The following COL21A1 variants were observed in gnomAD, a reference collection of about 807,000 sequenced individuals.
The protein encoded by COL21A1 is collagen alpha-1(XXI) chain.
Under a neutral mutation model 137.9 loss-of-function variants are expected in COL21A1, and 149 were observed. The ratio of observed to expected loss-of-function variants is 1.08; its 90% CI spans 0.95 to 1.24. COL21A1 has a LOEUF of 1.24. COL21A1 is among the 50% of genes most tolerant of loss of function. The pLI is 0.00. For synonymous variants in COL21A1, 456 were observed against 391.5 expected, an observed-to-expected ratio of 1.16 and a Z score of -1.95; for missense variants, 1,167 against 1,158.4, an observed-to-expected ratio of 1.01 and a Z score of -0.11.
intron 1 of COL21A1, among the ~76,000 whole-genome samples, chr6:56,225,701 T>G (rs552897928): frequency 6.6e-6 from 1 of 152,152 alleles, no homozygotes; most frequent in African/African-American, 2.4e-5. Context: ...GGCCTTTAAT[T>G]TTTTTAGTCT....
At chr6:56,068,888 G>C in intron 22 of COL21A1, 158 bp downstream of exon 22, 1 of 568,934 alleles carries the variant, frequency 1.8e-6, no homozygotes. Flanking sequence ...ACAGCTATTA[G>C]CATGGGGCTG....
intron 3 of COL21A1, among the ~76,000 whole-genome samples, chr6:56,178,896 T>A (rs12190240): frequency 6.6e-6 from 1 of 152,088 alleles, no homozygotes; most frequent in African/African-American, 2.4e-5. Context: ...ATGTCAGTAA[T>A]TTGAAGCTTT....
Position 56,157,307 on chromosome 6 carries a change from C to CT in COL21A1, c.1372-359dup, listed in dbSNP as rs34605782. Reference sequence around the variant, plus strand: ...TGATAGCAATATTTGACTCATAAGACTTTTTTTTTTTTTTTTTTTTTGAGA... The same window carrying CT: ...TGATAGCAATATTTGACTCATAAGACTTTTTTTTTTTTTTTTTTTTTTGAGA... On this transcript the variant is annotated intron_variant, in intron 9 of 29. Coordinates refer to ENST00000244728, the MANE Select transcript of COL21A1 (RefSeq NM_030820.4). 2.6e-3 allele frequency among the ~76,000 whole-genome samples: 248 copies of CT among 94,012 alleles called. 1 individual carries two copies. The highest frequency in any genetic ancestry group is 3.9e-3 in the Non-Finnish European group (190 of 49,040). The allele number at this position is 94,012 out of a possible 152,430, so 61.7% of individuals were successfully genotyped here. A position where few individuals can be genotyped will look rare whatever the true frequency, so the allele number is the denominator to read the frequency against.
intron 1 of COL21A1, among the ~76,000 whole-genome samples, chr6:56,392,113 C>A (rs1369156520): frequency 6.6e-6 from 1 of 152,012 alleles, no homozygotes; most frequent in Non-Finnish European, 1.5e-5. Context: ...TACTAGCAAA[C>A]AAAATTCAAC....
intron 16 of COL21A1, among the ~76,000 whole-genome samples, chr6:56,108,335 C>T (rs1192681000): frequency 1.3e-5 from 2 of 151,866 alleles, no homozygotes; most frequent in Non-Finnish European, 2.9e-5. Context: ...GAAGCAAAGA[C>T]CAACTCTACA....
At chr6:56,095,675 C>G (rs1278842701) in intron 17 of COL21A1, among the ~76,000 whole-genome samples, 1 of 152,120 alleles carries the variant, frequency 6.6e-6, no homozygotes, top group Non-Finnish European at 1.5e-5. Context: ...TCTTCTGCCT[C>G]TATATTTTGG....
intron 1 of COL21A1, among the ~76,000 whole-genome samples, chr6:56,286,842 A>T (rs1420839338): frequency 2.0e-5 from 3 of 152,236 alleles, no homozygotes; most frequent in Non-Finnish European, 4.4e-5. Flanking sequence ...AACATTCTAT[A>T]GAAATAAGCC....
At chr6:56,272,932 A>T (rs1192958977) in intron 1 of COL21A1, among the ~76,000 whole-genome samples, 1 of 152,240 alleles carries the variant, frequency 6.6e-6, no homozygotes, top group Non-Finnish European at 1.5e-5. Flanking sequence ...TCTTTACAGC[A>T]GTGTGAAAAT....
At chr6:56,382,848 C>A (rs1326264272) in intron 1 of COL21A1, among the ~76,000 whole-genome samples, 1 of 152,110 alleles carries the variant, frequency 6.6e-6, no homozygotes, top group African/African-American at 2.4e-5. Flanking sequence ...TATGGCAGCC[C>A]AAACCAAGGC....
At chr6:56,266,501 G>C (rs550125903) in intron 1 of COL21A1, among the ~76,000 whole-genome samples, 12 of 152,336 alleles carry the variant, frequency 7.9e-5, no homozygotes, top group African/African-American at 2.9e-4. Context: ...GACTGTATGA[G>C]CAACAAAGCT....
At chr6:56,072,516 A>T (rs868027348) in intron 20 of COL21A1, among the ~76,000 whole-genome samples, 1 of 151,538 alleles carries the variant, frequency 6.6e-6, no homozygotes, top group Non-Finnish European at 1.5e-5. Flanking sequence ...TATTGACAGC[A>T]CAAGCCACAA....
At chr6:56,307,062 C>T (rs528761984) in intron 1 of COL21A1, among the ~76,000 whole-genome samples, 28 of 152,210 alleles carry the variant, frequency 1.8e-4, no homozygotes, top group Non-Finnish European at 3.7e-4. Context: ...GCAAATGTTG[C>T]TTCCTGATCG....
In COL21A1 at chr6:56,171,029, A is replaced by G. The variant is rs1382342502; in HGVS notation, c.740T>C (p.Ile247Thr). The G allele has an allele frequency of 1.2e-6, 2 of 1,607,886 alleles. No individual in the cohort carries two copies. ...LDVNKKVKKR[I>T]QLSPKKIKGY... ...TTTTATCTTTTTTGGTGAAAGCTGT[A>G]TTCTTTTCTTAACCTTTTTATTTAC... The change falls in exon 4 of 30, where the codon ATA becomes ACA. Residue 247 changes from isoleucine (I) to threonine (T), a missense_variant. By Grantham distance (89) the Ile-to-Thr change is moderately conservative. Transcript: ENST00000244728.
chr6:56,265,286 G>C (rs563781718), intron 1 of COL21A1, among the ~76,000 whole-genome samples: 1 of 152,180 alleles, frequency 6.6e-6, no homozygotes, highest in African/African-American at 2.4e-5. Flanking sequence ...TGCCAAGTGG[G>C]GAGTGGAACA....
intron 1 of COL21A1, among the ~76,000 whole-genome samples, chr6:56,204,735 G>C (rs1006677219): frequency 1.3e-5 from 2 of 152,148 alleles, no homozygotes; most frequent in African/African-American, 4.8e-5. Context: ...GAGAGCTCTG[G>C]CTGGCATCTG....
chr6:56,261,363 TC>T (rs1416899402), intron 1 of COL21A1, among the ~76,000 whole-genome samples: 1 of 152,202 alleles, frequency 6.6e-6, no homozygotes, highest in African/African-American at 2.4e-5. Flanking sequence ...AATGTTTGTA[TC>T]CCTCCCAAAT....
At chr6:56,330,643 C>T (rs1562059901) in intron 1 of COL21A1, among the ~76,000 whole-genome samples, 1 of 152,014 alleles carries the variant, frequency 6.6e-6, no homozygotes, top group Non-Finnish European at 1.5e-5. Flanking sequence ...AATATTTCAT[C>T]CCTCGCCTCT....
At chr6:56,393,378 T>C (rs1487425607) in intron 1 of COL21A1, among the ~76,000 whole-genome samples, 3 of 152,108 alleles carry the variant, frequency 2.0e-5, no homozygotes, top group Non-Finnish European at 4.4e-5. Context: ...ATCTAAGACC[T>C]TGAACTATGA....
chr6:56,331,627 A>G (rs1765226977), intron 1 of COL21A1, among the ~76,000 whole-genome samples: 1 of 151,950 alleles, frequency 6.6e-6, no homozygotes, highest in Non-Finnish European at 1.5e-5. Flanking sequence ...ATTCTGTCCC[A>G]TTTATCTATG....
Sources: gnomAD v4.1 joint callset for allele counts (sites outside exome capture counted in the v4.1 genomes callset) on GRCh38, gnomAD v4.1.1 for gene constraint, MANE v1.5 for transcripts, NCBI Gene and HGNC (gene_info 2026-07-23, HGNC 2026-07-21) for gene names.